DLC1: variants seen among roughly 807,000 people sequenced by gnomAD.
DLC1 encodes the protein DLC1 Rho GTPase activating protein.
DLC1 carries 54 observed loss-of-function variants against 140.3 expected under a neutral mutation model. The ratio of observed to expected loss-of-function variants is 0.38; its 90% CI spans 0.31 to 0.48. The LOEUF is 0.48. Among genes scored for constraint, DLC1 ranks in the 20% least tolerant of loss-of-function variants. DLC1 has a pLI of 0.96. For synonymous variants in DLC1, 986 were observed against 728.1 expected (o/e 1.35, Z -5.70); for missense variants, 2,536 against 1,907.0 (o/e 1.33, Z -6.14).
At chr8:13,091,581 G>A (rs1818080353) in intron 13 of DLC1, 149 bp from the exon 14 acceptor site, 6 of 600,504 alleles carry the variant, frequency 1.0e-5, no homozygotes, top group Non-Finnish European at 1.4e-5. Flanking sequence ...TTTTTACTTT[G>A]GTCACCAGAG....
chr8:13,413,255 G>GTT (rs1461897724), intron 2 of DLC1, among the ~76,000 whole-genome samples: 5 of 30,138 alleles, frequency 1.7e-4, no homozygotes, highest in Non-Finnish European at 3.5e-4. Context: ...ATTTTTTTGC[G>GTT]ATTTTTTTTT....
At chr8:13,560,843 C>A (rs1021695124) in intron 1 of DLC1, among the ~76,000 whole-genome samples, 1 of 152,024 alleles carries the variant, frequency 6.6e-6, no homozygotes, top group Non-Finnish European at 1.5e-5. Context: ...GTGAAGACAG[C>A]CATCTACCAG....
intron 5 of DLC1, among the ~76,000 whole-genome samples, chr8:13,143,836 G>GAGAGAGAT (rs1432074072): frequency 6.6e-6 from 1 of 151,544 alleles, no homozygotes; most frequent in Non-Finnish European, 1.5e-5. Context: ...GAGAGAGAGA[G>GAGAGAGAT]AGAGAGAGAG....
chr8:13,386,121 C>T (rs568492550), intron 4 of DLC1, among the ~76,000 whole-genome samples: 1 of 152,198 alleles, frequency 6.6e-6, no homozygotes, highest in South Asian at 2.1e-4. Context: ...TCACATTGGT[C>T]CACGGAAAAA....
intron 4 of DLC1, among the ~76,000 whole-genome samples, chr8:13,317,320 A>AT (rs1325373747): frequency 6.6e-6 from 1 of 152,218 alleles, no homozygotes; most frequent in Non-Finnish European, 1.5e-5. Flanking sequence ...TTCAATACTA[A>AT]TTTTTTCTAG....
intron 5 of DLC1, among the ~76,000 whole-genome samples, chr8:13,265,093 T>C (rs1830629863): frequency 6.6e-6 from 1 of 152,228 alleles, no homozygotes; most frequent in Admixed American, 6.5e-5. Flanking sequence ...ATAAAAGTTG[T>C]CAAATGCTAT....
chr8:13,382,904 A>G (rs961383119), intron 4 of DLC1, among the ~76,000 whole-genome samples: 5 of 152,232 alleles, frequency 3.3e-5, no homozygotes, highest in African/African-American at 1.2e-4. Context: ...ACATATCTTG[A>G]TGAATTTTGT....
chr8:13,522,518 G>A (rs981231485), intron 1 of DLC1, among the ~76,000 whole-genome samples: 4 of 152,042 alleles, frequency 2.6e-5, no homozygotes, highest in African/African-American at 7.2e-5. Flanking sequence ...CCATTTACTC[G>A]GGTGGCTGAG....
chr8:13,423,113 G>A (rs968982399), intron 2 of DLC1, among the ~76,000 whole-genome samples: 12 of 152,130 alleles, frequency 7.9e-5, no homozygotes, highest in Non-Finnish European at 1.5e-4. Context: ...CAAAAGAGTC[G>A]CTGAATTGAA....
intron 2 of DLC1, among the ~76,000 whole-genome samples, chr8:13,480,388 T>C (rs983950479): frequency 6.6e-6 from 1 of 151,986 alleles, no homozygotes; most frequent in African/African-American, 2.4e-5. Flanking sequence ...AGGAACAAAA[T>C]AGAAAGAACG....
chr8:13,115,855 AG>A (rs1348757382), intron 5 of DLC1, among the ~76,000 whole-genome samples, 198 bp from the exon 6 acceptor site: 1 of 152,148 alleles, frequency 6.6e-6, no homozygotes, highest in East Asian at 1.9e-4. Context: ...CGTGTACATG[AG>A]GATGTATTTT....
intron 1 of DLC1, among the ~76,000 whole-genome samples, chr8:13,561,243 C>G (rs934702047): frequency 6.6e-6 from 1 of 152,064 alleles, no homozygotes; most frequent in Admixed American, 6.5e-5. Flanking sequence ...CCTCAGCCTC[C>G]TCAGTAGCTA....
intron 2 of DLC1, among the ~76,000 whole-genome samples, chr8:13,416,312 A>G (rs1184657540): frequency 1.3e-5 from 2 of 152,234 alleles, no homozygotes; most frequent in African/African-American, 4.8e-5. Flanking sequence ...AATGAAAACA[A>G]TCTCCATAAC....
intron 1 of DLC1, among the ~76,000 whole-genome samples, chr8:13,561,204 C>T (rs1254214753): frequency 1.3e-5 from 2 of 151,610 alleles, no homozygotes; most frequent in Non-Finnish European, 2.9e-5. Flanking sequence ...CTCACTGCAG[C>T]CTCGTACTTC....
At chr8:13,228,411 C>A (rs1828894170) in intron 5 of DLC1, among the ~76,000 whole-genome samples, 2 of 151,694 alleles carry the variant, frequency 1.3e-5, no homozygotes, top group Admixed American at 1.3e-4. Flanking sequence ...ACATAATAAA[C>A]TCTCATAACT....
intron 1 of DLC1, among the ~76,000 whole-genome samples, chr8:13,581,399 C>T (rs936463218): frequency 2.0e-5 from 3 of 152,180 alleles, no homozygotes; most frequent in Non-Finnish European, 4.4e-5. Context: ...CTGTTCCAGC[C>T]TTCCCCATTT....
intron 1 of DLC1, among the ~76,000 whole-genome samples, chr8:13,505,857 T>C (rs765504459): frequency 4.6e-5 from 7 of 152,192 alleles, no homozygotes; most frequent in Non-Finnish European, 8.8e-5. Context: ...GTTATCTGAA[T>C]AGAAGTTTAA....
chr8:13,278,109 A>G (rs895506626), intron 5 of DLC1, among the ~76,000 whole-genome samples: 1 of 152,256 alleles, frequency 6.6e-6, no homozygotes, highest in African/African-American at 2.4e-5. Context: ...CCCATTGAGC[A>G]TGTACTTCAT....
chr8:13,312,703 A>C (rs1342955397), intron 4 of DLC1, among the ~76,000 whole-genome samples: 1 of 152,136 alleles, frequency 6.6e-6, no homozygotes, highest in Non-Finnish European at 1.5e-5. Context: ...CATTGTGTCT[A>C]TATTATATAT....
Sources: allele counts gnomAD v4.1 joint callset (sites outside exome capture counted in the v4.1 genomes callset), GRCh38; gene constraint gnomAD v4.1.1; transcripts MANE v1.5; gene names NCBI Gene and HGNC (gene_info 2026-07-23, HGNC 2026-07-21).